The following PIEZO2 variants were observed in gnomAD, a reference collection of about 807,000 sequenced individuals.
The protein encoded by PIEZO2 is piezo-type mechanosensitive ion channel component 2.
PIEZO2 carries 172 observed loss-of-function variants against 337.3 expected under a neutral mutation model. The observed-to-expected ratio is 0.51, with a 90% CI of 0.45 to 0.58. The LOEUF is 0.58. PIEZO2 is among the 20% of genes least tolerant of loss of function. The pLI, the probability that PIEZO2 is intolerant of heterozygous loss-of-function variation, is 0.00. For synonymous variants in PIEZO2, 1,251 were observed against 1,228.5 expected, an observed-to-expected ratio of 1.02 and a Z score of -0.38; for missense variants, 3,028 against 3,391.3, an observed-to-expected ratio of 0.89 and a Z score of 2.66.
At chr18:11,067,458 A>C (rs572215463) in intron 1 of PIEZO2, among the ~76,000 whole-genome samples, 2 of 152,358 alleles carry the variant, frequency 1.3e-5, no homozygotes, top group African/African-American at 4.8e-5. Flanking sequence ...GGATGAAAGA[A>C]TCTTTTAAAG....
At chr18:10,745,875 A>G (rs1485088901) in intron 30 of PIEZO2, among the ~76,000 whole-genome samples, 2 of 152,096 alleles carry the variant, frequency 1.3e-5, no homozygotes, top group Non-Finnish European at 2.9e-5. Flanking sequence ...CATGAGACCT[A>G]CAACTCCACA....
intron 7 of PIEZO2, among the ~76,000 whole-genome samples, chr18:10,829,430 A>T (rs553436514): frequency 6.6e-6 from 1 of 152,336 alleles, no homozygotes; most frequent in African/African-American, 2.4e-5. Flanking sequence ...GTTATTCAAG[A>T]TGGTACTGGA....
chr18:11,039,402 C>A (rs1338628681), intron 2 of PIEZO2, among the ~76,000 whole-genome samples: 3 of 152,184 alleles, frequency 2.0e-5, no homozygotes, highest in Non-Finnish European at 4.4e-5. Flanking sequence ...ATCGTTTGAA[C>A]AGATTTCTTC....
chr18:10,866,288 C>CTT (rs140860572), intron 5 of PIEZO2, among the ~76,000 whole-genome samples: 2 of 139,788 alleles, frequency 1.4e-5, no homozygotes, highest in African/African-American at 2.6e-5. Flanking sequence ...ATATCCCTGC[C>CTT]TTTTTTTTTT....
In PIEZO2 at chr18:10,762,627, TAAA is replaced by T; in HGVS notation, c.3124-5_3124-3del. 6.5e-7 allele frequency: 1 copy of T among 1,535,266 alleles called. No homozygotes were observed. The highest frequency in any genetic ancestry group is 8.7e-7 in the Non-Finnish European group (1 of 1,146,394). ...GATGTTTGTTTGATTTTCATTTGGC[TAAA>T]AAGAAGAGAAAATGGAGTAAAAAAA... is the stretch of plus-strand genomic sequence containing the variant. On this transcript the variant is annotated splice_polypyrimidine_tract_variant and splice_region_variant and intron_variant, in intron 22 of 55. Transcript: ENST00000674853.
Position 10,724,646 on chromosome 18 carries a change from A to G in PIEZO2, c.5030-6387T>C. ...GTGCTGGACTCGGGGTCTCAGGCGT[A>G]TGATCAGGCACCCACCAGCCCACCT... is the stretch of plus-strand genomic sequence containing the variant. On this transcript the variant is annotated intron_variant, in intron 36 of 55. Transcript: ENST00000674853. The surrounding 1 kb of genome is among the most constrained non-coding windows in gnomAD (Gnocchi z 5.8). 2 of 748,204 alleles carry G rather than the reference A, an allele frequency of 2.7e-6. No homozygotes were observed. Among genetic ancestry groups the G allele is most frequent in the Middle Eastern group, 2.4e-4 (1 of 4,082 alleles). The allele number at this position is 748,204 out of a possible 1,614,324, so 46.3% of individuals were successfully genotyped here. A position where few individuals can be genotyped will look rare whatever the true frequency, so the allele number is the denominator to read the frequency against.
At chr18:10,842,148 CAAA>C (rs34809564) in intron 7 of PIEZO2, among the ~76,000 whole-genome samples, 8,103 of 70,284 alleles carry the variant, frequency 0.12, 287 homozygotes, top group South Asian at 0.17. Context: ...GACTCCGTCT[CAAA>C]AAAAAAAAAA....
In PIEZO2 at chr18:10,861,890, C is replaced by T. The variant is rs990150405; in HGVS notation, c.493-4679G>A. Among the ~76,000 whole-genome samples the T allele has an allele frequency of 6.4e-4, 97 of 152,004 alleles. 1 individual carries two copies. Among genetic ancestry groups the T allele is most frequent in the African/African-American group, 1.7e-3 (69 of 41,470 alleles). ...AAAATTAGCTGGGCATGGTGGCGCA[C>T]GCCTGTAATCCCAGCTACTCAGGAA... On this transcript the variant is annotated intron_variant, in intron 5 of 55. Coordinates refer to ENST00000674853, the MANE Select transcript of PIEZO2 (RefSeq NM_001378183.1). This position sits in a 1 kb window ranked among gnomAD's most constrained non-coding sequence, Gnocchi z 4.3.
rs933015189 is a variant in PIEZO2, at chr18:10,859,340, C to T, written c.493-2129G>A. Among the ~76,000 whole-genome samples, 3 of 152,208 alleles carry T rather than the reference C, an allele frequency of 2.0e-5. No homozygotes were observed. Among genetic ancestry groups the T allele is most frequent in the African/African-American group, 4.8e-5 (2 of 41,452 alleles). On this transcript the variant is annotated intron_variant, in intron 5 of 55. Coordinates refer to ENST00000674853, the MANE Select transcript of PIEZO2 (RefSeq NM_001378183.1). The surrounding 1 kb of genome is among the most constrained non-coding windows in gnomAD (Gnocchi z 4.9). Reference sequence around the variant, plus strand: ...TCCCATCTCATTCTCAGAGGATGACCTTGCTTTCTACTGCTCCCAGAGAGG... The same window carrying T: ...TCCCATCTCATTCTCAGAGGATGACTTTGCTTTCTACTGCTCCCAGAGAGG...
chr18:10,718,256 G>C lies in PIEZO2; in HGVS notation c.5033C>G (p.Pro1678Arg). Reference protein sequence around the residue: ...KRRRKGSKEGPVEWEDREDEP... With the variant: ...KRRRKGSKEGRVEWEDREDEP... ...ATCCTCCCGGTCTTCCCATTCCACA[G>C]GACCTGCCAAGTGTGTTCAATAAAG... is the stretch of plus-strand genomic sequence containing the variant. The change falls in exon 37 of 56, where the codon CCT becomes CGT. Residue 1678 changes from proline (P) to arginine (R), a missense_variant. By Grantham distance (103) the Pro-to-Arg change is moderately radical (BLOSUM62 -2). Around this residue, in one of 5 missense-constraint regions of PIEZO2, gnomAD observed 1,925 missense variants for 2,051.9 expected, o/e 0.94. Coordinates refer to ENST00000674853, the MANE Select transcript of PIEZO2 (RefSeq NM_001378183.1). 6.5e-7 allele frequency: 1 copy of C among 1,536,580 alleles called. No homozygotes were observed. The highest frequency in any genetic ancestry group is 8.7e-7 in the Non-Finnish European group (1 of 1,146,294).
At chr18:10,994,137 A>T (rs762078372) in intron 2 of PIEZO2, among the ~76,000 whole-genome samples, 5 of 152,230 alleles carry the variant, frequency 3.3e-5, no homozygotes, top group African/African-American at 1.2e-4. Context: ...TACTTCATTT[A>T]CAATAGTAGT....
chr18:10,698,599 C>T (rs530078932), intron 44 of PIEZO2, among the ~76,000 whole-genome samples: 57 of 152,350 alleles, frequency 3.7e-4, no homozygotes, highest in African/African-American at 1.2e-3. Context: ...ACTCTGGACA[C>T]GCCCTGCAGA....
Position 11,113,543 on chromosome 18 carries a change from C to G in PIEZO2, c.64+34982G>C, listed in dbSNP as rs544970493. On this transcript the variant is annotated intron_variant, in intron 1 of 55. Coordinates refer to ENST00000674853, the MANE Select transcript of PIEZO2 (RefSeq NM_001378183.1). ...CTGCCCACCCTCACGGCCTTGTTCA[C>G]TCCTGCAATCCTCCGTATAACAGAA... Among the ~76,000 whole-genome samples, 3 of 152,322 alleles carry G rather than the reference C, an allele frequency of 2.0e-5. No individual in the cohort carries two copies. The South Asian group carries it at 6.2e-4, about 32-fold the overall frequency.
At chr18:10,900,541 G>C (rs1032757259) in intron 4 of PIEZO2, among the ~76,000 whole-genome samples, 8 of 152,202 alleles carry the variant, frequency 5.3e-5, no homozygotes, top group African/African-American at 1.9e-4. Context: ...TTCTGGTTAA[G>C]TTAGAGGTAT....
rs62083227 is a variant in PIEZO2, at chr18:10,777,547, C to A, written c.2534+2778G>T. 1.7e-3 allele frequency among the ~76,000 whole-genome samples: 266 copies of A among 152,292 alleles called. 1 individual carries two copies. Among genetic ancestry groups the A allele is most frequent in the Middle Eastern group, 0.01 (3 of 294 alleles). On this transcript the variant is annotated intron_variant, in intron 18 of 55. Transcript: ENST00000674853. ...ACATCCTTATTTGAAACAGAAGAAACAAATTACTTGACAGGGACGCTCAAA... is the reference window on the plus strand; with the variant it reads ...ACATCCTTATTTGAAACAGAAGAAAAAAATTACTTGACAGGGACGCTCAAA...
At chr18:10,694,553 G>C (rs73395402) in intron 47 of PIEZO2, among the ~76,000 whole-genome samples, 28,466 of 152,108 alleles carry the variant, frequency 0.19, 3,178 homozygotes, top group East Asian at 0.31. Context: ...ATCATTGACC[G>C]GGCACAGTGG....
chr18:10,900,911 G>T (rs982206403), intron 4 of PIEZO2, among the ~76,000 whole-genome samples: 6 of 152,116 alleles, frequency 3.9e-5, no homozygotes, highest in African/African-American at 1.4e-4. Context: ...GTTTTCCCTG[G>T]ACCCATGCTA....
chr18:10,964,262 C>T (rs1385306566), intron 3 of PIEZO2, among the ~76,000 whole-genome samples: 1 of 151,880 alleles, frequency 6.6e-6, no homozygotes, highest in African/African-American at 2.4e-5. Context: ...AAATAGAGTA[C>T]AATACATATC....
chr18:10,759,630 C>T lies in PIEZO2; in HGVS notation c.3656-47G>A. On this transcript the variant is annotated intron_variant, in intron 25 of 55. Coordinates refer to ENST00000674853, the MANE Select transcript of PIEZO2 (RefSeq NM_001378183.1). This position sits in a 1 kb window ranked among gnomAD's most constrained non-coding sequence, Gnocchi z 5.5. ...ACAGCACAATCAATACTCTTCTTCACCACTCTTCTCCCAGCCGTCCGCTCA... is the reference window on the plus strand; with the variant it reads ...ACAGCACAATCAATACTCTTCTTCATCACTCTTCTCCCAGCCGTCCGCTCA... The T allele has an allele frequency of 1.3e-6, 2 of 1,535,096 alleles. No homozygotes were observed. The highest frequency in any genetic ancestry group is 1.7e-4 in the Middle Eastern group (1 of 5,986).
Sources: gnomAD v4.1 joint callset for allele counts (sites outside exome capture counted in the v4.1 genomes callset) on GRCh38, gnomAD v4.1.1 for gene constraint, gnomAD v4.1.1 regional missense constraint, Gnocchi (gnomAD v3.1) non-coding constraint, MANE v1.5 for transcripts, NCBI Gene and HGNC (gene_info 2026-07-23, HGNC 2026-07-21) for gene names.